TNRC6B: variants seen among roughly 807,000 people sequenced by gnomAD.
TNRC6B encodes the protein trinucleotide repeat-containing gene 6B protein.
A neutral mutation model predicts 203.6 loss-of-function variants in TNRC6B; 52 were observed. The observed-to-expected ratio is 0.26, with a 90% CI of 0.20 to 0.32. The LOEUF is 0.32. Ranked by LOEUF, TNRC6B falls within the 10% of genes least tolerant of loss-of-function variation. The probability of loss-of-function intolerance (pLI) is 1.00; values close to 1 mark genes in which losing one functional copy is unlikely to be tolerated. For missense variants in TNRC6B, 1,923 were observed against 2,286.2 expected (o/e 0.84, Z 3.24); for synonymous variants, 838 against 845.7 (o/e 0.99, Z 0.16).
chr22:40,087,777 TG>T lies in TNRC6B; in HGVS notation c.-120-29276del, dbSNP rs567650542. ...GGGGACCTGGGAATGCTAGTGAGGC[TG>T]GAGACTGAGAGGGAGGCAGGGAATT... On this transcript the variant is annotated intron_variant, in intron 1 of 23. Coordinates refer to the TNRC6B transcript ENST00000301923. Among the ~76,000 whole-genome samples the T allele has an allele frequency of 1.9e-3, 283 of 152,234 alleles. 2 individuals are homozygous for T. Among genetic ancestry groups the T allele is most frequent in the Middle Eastern group, 0.014 (4 of 294 alleles).
At chr22:40,166,202 G>A (rs951175070) in intron 4 of TNRC6B, among the ~76,000 whole-genome samples, 6 of 152,016 alleles carry the variant, frequency 3.9e-5, no homozygotes, top group Admixed American at 6.6e-5. Context: ...CTGCAAATCC[G>A]GCTTTTGTGG....
chr22:40,266,676 T>C lies in TNRC6B; in HGVS notation c.2446T>C (p.Trp816Arg). 1 of 1,613,758 alleles carries C rather than the reference T, an allele frequency of 6.2e-7. No individual in the cohort carries two copies. The highest frequency in any genetic ancestry group is 1.1e-5 in the South Asian group (1 of 91,050). The change falls in exon 5 of 23, where the codon TGG becomes CGG. Residue 816 changes from tryptophan (W) to arginine (R), a missense_variant. Transcript: ENST00000454349. Reference protein sequence around the residue: ...WNETGRQPNSWNKQHQQQQPP... With the variant: ...WNETGRQPNSRNKQHQQQQPP... Reference sequence around the variant, plus strand: ...TGAGACGGGCCGACAGCCCAATTCCTGGAATAAACAACACCAACAGCAGCA... The same window carrying C: ...TGAGACGGGCCGACAGCCCAATTCCCGGAATAAACAACACCAACAGCAGCA...
At chr22:40,112,143 A>G (rs1269446432) in intron 1 of TNRC6B, among the ~76,000 whole-genome samples, 2 of 152,218 alleles carry the variant, frequency 1.3e-5, no homozygotes, top group Non-Finnish European at 2.9e-5. Flanking sequence ...AAAAAGAGAA[A>G]GGGAGGTGTG....
chr22:40,068,192 T>G (rs2067912994), intron 1 of TNRC6B, among the ~76,000 whole-genome samples: 1 of 152,220 alleles, frequency 6.6e-6, no homozygotes. Flanking sequence ...TTTTTAGCTT[T>G]CAGCTTTTAT....
chr22:40,210,920 C>T (rs913796061), intron 1 of TNRC6B, among the ~76,000 whole-genome samples: 2 of 152,132 alleles, frequency 1.3e-5, no homozygotes, highest in Non-Finnish European at 2.9e-5. Context: ...CCACTAGATG[C>T]TATTAGCACC....
At chr22:40,100,534 A>G (rs1373638900) in intron 1 of TNRC6B, among the ~76,000 whole-genome samples, 6 of 152,040 alleles carry the variant, frequency 3.9e-5, no homozygotes, top group Non-Finnish European at 7.4e-5. Context: ...GCACACCACC[A>G]TGTCAGGCTA....
In TNRC6B at chr22:40,272,845, A is replaced by G. The variant is rs562238404; in HGVS notation, c.2966-580A>G. On this transcript the variant is annotated intron_variant, in intron 6 of 22. Coordinates refer to ENST00000454349, the MANE Select transcript of TNRC6B (RefSeq NM_001162501.2). ...TACATTTCAAGTGTGTAGTTCTAAT[A>G]CATTTTAGATTTCCATGGCTATATG... 4.3e-4 allele frequency among the ~76,000 whole-genome samples: 65 copies of G among 152,326 alleles called. 1 individual carries two copies. Among genetic ancestry groups the G allele is most frequent in the Middle Eastern group, 3.4e-3 (1 of 294 alleles).
intron 17 of TNRC6B, among the ~76,000 whole-genome samples, chr22:40,311,264 G>A (rs2071176593): frequency 6.6e-6 from 1 of 152,112 alleles, no homozygotes; most frequent in African/African-American, 2.4e-5. Context: ...CTTTTGAAGT[G>A]TCTGTTGAAT....
chr22:40,291,391 A>G (rs757330980), intron 12 of TNRC6B, among the ~76,000 whole-genome samples: 1 of 152,186 alleles, frequency 6.6e-6, no homozygotes, highest in Admixed American at 6.5e-5. Context: ...TTAAAAAAAA[A>G]AATGAAAAAG....
At chr22:40,080,149 T>C (rs1440281692) in intron 1 of TNRC6B, among the ~76,000 whole-genome samples, 1 of 140,546 alleles carries the variant, frequency 7.1e-6, no homozygotes, top group African/African-American at 2.7e-5. Flanking sequence ...TTGCCCAAGC[T>C]GGTCTCGAAC....
At chr22:40,071,854 TTAAA>T (rs1668111382) in intron 1 of TNRC6B, among the ~76,000 whole-genome samples, 1 of 152,196 alleles carries the variant, frequency 6.6e-6, no homozygotes, top group Non-Finnish European at 1.5e-5. Context: ...GAACTGTTAA[TTAAA>T]TACTTTTTGT....
intron 1 of TNRC6B, among the ~76,000 whole-genome samples, chr22:40,192,860 A>G (rs2069291612): frequency 6.6e-6 from 1 of 152,232 alleles, no homozygotes; most frequent in Non-Finnish European, 1.5e-5. Flanking sequence ...GACATTTAAT[A>G]TAACTTGGCA....
intron 21 of TNRC6B, among the ~76,000 whole-genome samples, chr22:40,320,230 C>G (rs1464807534): frequency 3.9e-5 from 6 of 152,036 alleles, no homozygotes; most frequent in African/African-American, 1.2e-4. Flanking sequence ...GCCTGTAATC[C>G]CAGCACTTTG....
intron 3 of TNRC6B, among the ~76,000 whole-genome samples, chr22:40,142,144 G>T (rs1248982146): frequency 6.6e-6 from 1 of 151,174 alleles, no homozygotes; most frequent in Non-Finnish European, 1.5e-5. Flanking sequence ...ACTGAGCCTT[G>T]AACTCCTAGG....
At position 40,316,022 on chromosome 22, in the gene TNRC6B, C is replaced by T; in HGVS notation, c.4974+10C>T. ...CAATCTCACCCCACAGGTAATTATG[C>T]TTTCTCGCAGTTTTCTAGATAGGAC... is the stretch of plus-strand genomic sequence containing the variant. On this transcript the variant is annotated intron_variant, in intron 21 of 22. Transcript: ENST00000454349. 6.2e-7 allele frequency: 1 copy of T among 1,612,204 alleles called. No individual in the cohort carries two copies. Among genetic ancestry groups the T allele is most frequent in the African/African-American group, 1.3e-5 (1 of 74,992 alleles).
intron 3 of TNRC6B, among the ~76,000 whole-genome samples, chr22:40,132,302 G>A (rs1236116755): frequency 6.6e-6 from 1 of 152,068 alleles, no homozygotes; most frequent in Non-Finnish European, 1.5e-5. Context: ...GGAGGCAGAG[G>A]TTGCAGTGAG....
At chr22:40,088,630 G>GTGTA (rs777613074) in intron 1 of TNRC6B, among the ~76,000 whole-genome samples, 1 of 148,694 alleles carries the variant, frequency 6.7e-6, no homozygotes, top group Non-Finnish European at 1.5e-5. Context: ...GTGTGTGTGT[G>GTGTA]TTTTAGTAGA....
At chr22:40,258,448 T>C (rs1438344590) in intron 3 of TNRC6B, among the ~76,000 whole-genome samples, 1 of 152,120 alleles carries the variant, frequency 6.6e-6, no homozygotes, top group East Asian at 1.9e-4. Flanking sequence ...GCAATTCTGG[T>C]TGGCCTTTAA....
upstream of TNRC6B, among the ~76,000 whole-genome samples, chr22:40,176,094 G>A (rs1227613629): frequency 6.6e-6 from 1 of 151,528 alleles, no homozygotes; most frequent in African/African-American, 2.4e-5. Flanking sequence ...GATAGGTGGA[G>A]TCGATAGTCA....
Sources: allele counts gnomAD v4.1 joint callset (sites outside exome capture counted in the v4.1 genomes callset), GRCh38; gene constraint gnomAD v4.1.1; transcripts MANE v1.5; gene names NCBI Gene and HGNC (gene_info 2026-07-23, HGNC 2026-07-21).